The following CPNE5 variants were observed in gnomAD, a reference collection of about 807,000 sequenced individuals.
The protein encoded by CPNE5 is copine-5.
Under a neutral mutation model 81.1 loss-of-function variants are expected in CPNE5, and 42 were observed. That is an observed-to-expected ratio of 0.52 (90% CI 0.40 to 0.67). The LOEUF is 0.67. Ranked by LOEUF, CPNE5 falls within the 30% of genes least tolerant of loss-of-function variation. The pLI, the probability that CPNE5 is intolerant of heterozygous loss-of-function variation, is 0.00. For missense variants in CPNE5, 612 were observed against 815.5 expected (o/e 0.75, Z 3.04); for synonymous variants, 313 against 321.5 (o/e 0.97, Z 0.28).
At chr6:36,760,382 A>G (rs236437) in intron 12 of CPNE5, among the ~76,000 whole-genome samples, 16,635 of 152,056 alleles carry the variant, frequency 0.11, 1,281 homozygotes, top group African/African-American at 0.21. Context: ...GAACCAGGCT[A>G]AGGAGGTGGG....
intron 1 of CPNE5, among the ~76,000 whole-genome samples, chr6:36,830,496 C>T (rs1361351491): frequency 4.6e-5 from 7 of 152,226 alleles, no homozygotes; most frequent in East Asian, 1.9e-4. Context: ...TGTTCTCACC[C>T]GCGTGCTCTG....
intron 8 of CPNE5, among the ~76,000 whole-genome samples, chr6:36,787,736 C>T (rs1221627348): frequency 2.0e-5 from 3 of 152,134 alleles, no homozygotes; most frequent in Non-Finnish European, 4.4e-5. Flanking sequence ...GGGAGGCCCC[C>T]GGGGCAGTTA....
At position 36,808,574 on chromosome 6, in the gene CPNE5, C is replaced by T. The variant is rs538305244; in HGVS notation, c.184-8504G>A. On this transcript the variant is annotated intron_variant, in intron 3 of 20. Coordinates refer to ENST00000244751, the MANE Select transcript of CPNE5 (RefSeq NM_020939.2). ...GGGCCCAGGACCCTCCCAGGCCTGC[C>T]TTGTGTTGCTTACGATCTGCCTGAG... Among the ~76,000 whole-genome samples, 11 of 152,226 alleles carry T rather than the reference C, an allele frequency of 7.2e-5. No individual in the cohort carries two copies. The South Asian group carries it at 2.3e-3, about 32-fold the overall frequency.
At chr6:36,750,961 A>C (rs1327618045) in intron 14 of CPNE5, among the ~76,000 whole-genome samples, 2 of 152,236 alleles carry the variant, frequency 1.3e-5, no homozygotes, top group Non-Finnish European at 2.9e-5. Context: ...CTCCTGCCTA[A>C]GGGTAGAACA....
intron 8 of CPNE5, 55 bp from the exon 9 acceptor site, chr6:36,779,012 TC>T (rs201612690): frequency 8.1e-7 from 1 of 1,233,662 alleles, no homozygotes. Context: ...GAAGCACAGC[TC>T]CCAGACCCCG....
Position 36,742,453 on chromosome 6 carries a change from C to G in CPNE5, c.1597G>C (p.Gly533Arg). 1.2e-6 allele frequency: 2 copies of G among 1,613,220 alleles called. No homozygotes were observed. The highest frequency in any genetic ancestry group is 1.7e-6 in the Non-Finnish European group (2 of 1,179,952). The change falls in exon 21 of 21, where the codon GGC (glycine) becomes CGC (arginine). Residue 533 changes from glycine (G) to arginine (R), a missense_variant. Coordinates refer to ENST00000244751, the MANE Select transcript of CPNE5 (RefSeq NM_020939.2). ...CGGGCCATGCTCAGCACGTGGTTGC[C>G]TGTGCGGTCCACGTAGTCCCGGAAG... is the stretch of plus-strand genomic sequence containing the variant. ...VPFRDYVDRT[G>R]NHVLSMARLA...
rs370142423 is a variant in CPNE5 at position 36,767,076 on chromosome 6, G to C, written c.738-1700C>G. Among the ~76,000 whole-genome samples the C allele has an allele frequency of 7.8e-4, 119 of 152,210 alleles. 2 individuals are homozygous for C. In the South Asian group the frequency reaches 0.023, roughly 29 times the overall value. On this transcript the variant is annotated intron_variant, in intron 10 of 20. Coordinates refer to ENST00000244751, the MANE Select transcript of CPNE5 (RefSeq NM_020939.2). Reference sequence around the variant, plus strand: ...TCACCATGTTGGCCAGGCTGGCCTCGAACTCCTGACCTCAAGTGATCCACC... The same window carrying C: ...TCACCATGTTGGCCAGGCTGGCCTCCAACTCCTGACCTCAAGTGATCCACC...
chr6:36,743,865 C>G (rs577764997), intron 19 of CPNE5, 103 bp from the exon 20 acceptor site: 1 of 1,018,058 alleles, frequency 9.8e-7, no homozygotes, highest in Non-Finnish European at 1.5e-6. Flanking sequence ...AATCCAGGGC[C>G]GAGACCACTG....
chr6:36,813,987 G>A (rs1476348125), intron 3 of CPNE5, among the ~76,000 whole-genome samples: 2 of 152,174 alleles, frequency 1.3e-5, no homozygotes, highest in Non-Finnish European at 2.9e-5. Flanking sequence ...TTATCGATTA[G>A]TAAGCTGAGA....
intron 6 of CPNE5, 122 bp from the exon 7 acceptor site, chr6:36,794,771 G>A: frequency 1.2e-6 from 1 of 847,514 alleles, no homozygotes; most frequent in East Asian, 2.7e-5. Flanking sequence ...CATTAAAACA[G>A]GATCAAAGCC....
chr6:36,822,089 T>C (rs1772100819), intron 3 of CPNE5, 25 bp downstream of exon 3: 1 of 1,520,886 alleles, frequency 6.6e-7, no homozygotes. Flanking sequence ...CTGGTGTTTC[T>C]GGTGTGGGAA....
At chr6:36,774,081 A>AT (rs1192665859) in intron 10 of CPNE5, among the ~76,000 whole-genome samples, 1 of 127,472 alleles carries the variant, frequency 7.8e-6, no homozygotes, top group African/African-American at 2.9e-5. Context: ...TCCCATCTCA[A>AT]TTAAAAAAAA....
At position 36,766,017 on chromosome 6, in the gene CPNE5, G is replaced by A. The variant is rs974817349; in HGVS notation, c.738-641C>T. Among the ~76,000 whole-genome samples, 18 of 152,130 alleles carry A rather than the reference G, an allele frequency of 1.2e-4. No individual in the cohort carries two copies. Among genetic ancestry groups the A allele is most frequent in the Admixed American group, 2.0e-4 (3 of 15,278 alleles). ...GCTTTGAGAGCCCATTTTATTTTTA[G>A]CCACGTTCCCATGGCAACAGGCTAG... On this transcript the variant is annotated intron_variant, in intron 10 of 20. Transcript: ENST00000244751. This position sits in a 1 kb window ranked among gnomAD's most constrained non-coding sequence, Gnocchi z 4.2.
chr6:36,790,485 A>T (rs187753557), intron 8 of CPNE5, among the ~76,000 whole-genome samples: 124 of 152,342 alleles, frequency 8.1e-4, no homozygotes, highest in South Asian at 3.1e-3. Flanking sequence ...GAGAATCCAG[A>T]TGTCTTCCAT....
At chr6:36,790,589 T>C (rs236409) in intron 8 of CPNE5, among the ~76,000 whole-genome samples, 6,669 of 152,294 alleles carry the variant, frequency 0.044, 470 homozygotes, top group African/African-American at 0.14. Flanking sequence ...TTTCAAAATA[T>C]GTCTTATTTT....
chr6:36,787,693 A>G (rs1768687979), intron 8 of CPNE5, among the ~76,000 whole-genome samples: 4 of 152,190 alleles, frequency 2.6e-5, no homozygotes, highest in Admixed American at 2.6e-4. Context: ...AAATGAAAGA[A>G]TACATGAGCA....
At position 36,766,850 on chromosome 6, in the gene CPNE5, TTTTG is replaced by T. The variant is rs1161102536; in HGVS notation, c.738-1478_738-1475del. On this transcript the variant is annotated intron_variant, in intron 10 of 20. Coordinates refer to ENST00000244751, the MANE Select transcript of CPNE5 (RefSeq NM_020939.2). This position sits in a 1 kb window ranked among gnomAD's most constrained non-coding sequence, Gnocchi z 4.2. ...ATCATTTGGCCGCGCTCTGATAGGT[TTTTG>T]TTTGTTTGTTTGCTTGTTTGAGATG... is the stretch of plus-strand genomic sequence containing the variant. Among the ~76,000 whole-genome samples the T allele has an allele frequency of 3.9e-5, 6 of 152,234 alleles. No individual in the cohort carries two copies. The highest frequency in any genetic ancestry group is 7.4e-5 in the Non-Finnish European group (5 of 68,008).
intron 3 of CPNE5, among the ~76,000 whole-genome samples, chr6:36,811,475 C>T (rs1427629534): frequency 6.6e-6 from 1 of 152,208 alleles, no homozygotes; most frequent in Non-Finnish European, 1.5e-5. Flanking sequence ...AGCCTAAGTG[C>T]TTGGCCAAGA....
chr6:36,744,610 C>T (rs961201713), intron 18 of CPNE5: 7 of 515,768 alleles, frequency 1.4e-5, no homozygotes, highest in Non-Finnish European at 2.1e-5. Flanking sequence ...TACAGGGAGA[C>T]CACCGGCTTG....
Sources: allele counts gnomAD v4.1 joint callset (sites outside exome capture counted in the v4.1 genomes callset), GRCh38; gene constraint gnomAD v4.1.1; non-coding constraint Gnocchi (gnomAD v3.1); transcripts MANE v1.5; gene names NCBI Gene and HGNC (gene_info 2026-07-23, HGNC 2026-07-21).